Variants in DIAPH2 observed in about 807,000 individuals in gnomAD.
DIAPH2 encodes the protein diaphanous related formin 2, also known as protein diaphanous homolog 2.
In DIAPH2, 35 loss-of-function variants were observed where a neutral mutation model predicts 92.7. The ratio of observed to expected loss-of-function variants is 0.38; its 90% CI spans 0.29 to 0.50. The LOEUF is 0.50. Among genes scored for constraint, DIAPH2 ranks in the 20% least tolerant of loss-of-function variants. DIAPH2 has a pLI of 0.94. For missense variants in DIAPH2, 701 were observed against 819.5 expected (o/e 0.86, Z 1.77); for synonymous variants, 301 against 280.4 (o/e 1.07, Z -0.73).
intron 5 of DIAPH2, among the ~76,000 whole-genome samples, chrX:96,902,497 A>G (rs902412860): frequency 7.2e-5 from 8 of 111,107 alleles, no homozygotes; most frequent in African/African-American, 2.6e-4. Context: ...GGATTGTAGT[A>G]TCTTCTTGTT....
Position 96,958,007 on chromosome X carries a change from T to C in DIAPH2, c.1794T>C (p.Leu598=), listed in dbSNP as rs375480105. 75 of 1,207,898 alleles carry C rather than the reference T, an allele frequency of 6.2e-5. No individual in the cohort carries two copies. The highest frequency in any genetic ancestry group is 8.2e-5 in the Non-Finnish European group (73 of 894,471). ...TACCACCACCACCCCCACCACCACT[T>C]TTATTTGGGGGACCTCCTCCACCAC... The part of the protein sequence containing the change: ...MGIPPPPPPP[L]LFGGPPPPPP... Residue 598 remains leucine, a synonymous_variant, in exon 16 of 27, where the codon CTT becomes CTC. Transcript: ENST00000324765.
At chrX:97,368,310 A>G (rs747828941) in intron 24 of DIAPH2, among the ~76,000 whole-genome samples, 46 of 111,479 alleles carry the variant, frequency 4.1e-4, no homozygotes, top group African/African-American at 1.2e-3. Flanking sequence ...CCTTAATTCA[A>G]TCTTCCCTGA....
At chrX:96,941,177 A>G (rs1036920165) in intron 12 of DIAPH2, among the ~76,000 whole-genome samples, 19 of 112,139 alleles carry the variant, frequency 1.7e-4, no homozygotes, top group African/African-American at 6.1e-4. Context: ...TAGGTTGGCT[A>G]TTTATCAGCA....
chrX:97,404,145 G>A (rs1437989948), intron 25 of DIAPH2, among the ~76,000 whole-genome samples: 1 of 111,695 alleles, frequency 9.0e-6, no homozygotes, highest in East Asian at 2.8e-4. Flanking sequence ...GAGCCACCAC[G>A]CCTGGCCTCA....
intron 26 of DIAPH2, among the ~76,000 whole-genome samples, chrX:97,476,233 A>G (rs2070602184): frequency 8.9e-6 from 1 of 112,117 alleles, no homozygotes; most frequent in Non-Finnish European, 1.9e-5. Context: ...TGGTGTTTTG[A>G]TTTGGTTATA....
At chrX:97,463,089 G>A (rs1245049983) in intron 26 of DIAPH2, among the ~76,000 whole-genome samples, 1 of 110,598 alleles carries the variant, frequency 9.0e-6, no homozygotes, top group African/African-American at 3.3e-5. Context: ...TAGAGCCCTG[G>A]AAATGGGATC....
chrX:97,073,070 G>A, intron 18 of DIAPH2, 28 bp downstream of exon 18: 1 of 1,034,875 alleles, frequency 9.7e-7, no homozygotes. Context: ...CGTAGGATTG[G>A]TATAGGTAAC....
At chrX:97,534,221 C>G (rs966232659) in intron 26 of DIAPH2, among the ~76,000 whole-genome samples, 4 of 111,380 alleles carry the variant, frequency 3.6e-5, no homozygotes, top group African/African-American at 1.3e-4. Context: ...ATCTCTTTAA[C>G]AAATTATCAC....
At chrX:97,106,241 G>A (rs2147369845) in intron 20 of DIAPH2, among the ~76,000 whole-genome samples, 1 of 111,123 alleles carries the variant, frequency 9.0e-6, no homozygotes, top group East Asian at 2.8e-4. Context: ...GTAATGCCCT[G>A]ATTGTTTCTA....
chrX:96,866,075 G>A (rs960360248), intron 4 of DIAPH2, among the ~76,000 whole-genome samples: 21 of 111,465 alleles, frequency 1.9e-4, no homozygotes, highest in African/African-American at 6.8e-4. Flanking sequence ...GTATCATATC[G>A]AGGGAGTCAA....
At chrX:97,336,243 CT>C (rs1186112131) in intron 23 of DIAPH2, among the ~76,000 whole-genome samples, 141 of 91,721 alleles carry the variant, frequency 1.5e-3, no homozygotes, top group African/African-American at 3.5e-3. Flanking sequence ...CTTTTCTTTT[CT>C]TTTTTTTTTT....
chrX:96,732,168 G>T (rs1312268348), intron 1 of DIAPH2, among the ~76,000 whole-genome samples: 1 of 111,251 alleles, frequency 9.0e-6, no homozygotes, highest in Non-Finnish European at 1.9e-5. Context: ...CATTATAAAT[G>T]AAAAAAATTT....
chrX:97,304,546 T>C (rs1318367017), intron 23 of DIAPH2, among the ~76,000 whole-genome samples: 1 of 112,089 alleles, frequency 8.9e-6, no homozygotes, highest in Non-Finnish European at 1.9e-5. Context: ...GCCCTAGTTA[T>C]TTAGTTTCAA....
intron 17 of DIAPH2, among the ~76,000 whole-genome samples, chrX:96,987,009 T>G (rs1418128997): frequency 2.7e-5 from 3 of 111,650 alleles, no homozygotes; most frequent in African/African-American, 9.7e-5. Flanking sequence ...GATAAAATTT[T>G]TTTTACAACC....
chrX:97,202,593 T>A (rs1364240539), intron 22 of DIAPH2, among the ~76,000 whole-genome samples: 1 of 112,427 alleles, frequency 8.9e-6, no homozygotes, highest in Non-Finnish European at 1.9e-5. Flanking sequence ...AGGAGGGTAC[T>A]ACCTAATGGT....
At chrX:97,032,335 T>A (rs1309559575) in intron 17 of DIAPH2, among the ~76,000 whole-genome samples, 3 of 111,261 alleles carry the variant, frequency 2.7e-5, no homozygotes, top group Non-Finnish European at 5.7e-5. Context: ...GCTTTGTACA[T>A]ATTCTATATA....
intron 21 of DIAPH2, among the ~76,000 whole-genome samples, chrX:97,134,430 C>A (rs944414264): frequency 9.0e-6 from 1 of 111,669 alleles, no homozygotes; most frequent in African/African-American, 3.3e-5. Context: ...TAGACAATTG[C>A]CAAGCATCTT....
intron 17 of DIAPH2, among the ~76,000 whole-genome samples, chrX:97,012,932 C>T (rs1569279159): frequency 8.9e-6 from 1 of 111,980 alleles, no homozygotes; most frequent in Non-Finnish European, 1.9e-5. Flanking sequence ...TCTACATCTA[C>T]AGTTTCTTCA....
At chrX:97,088,229 A>C (rs2066797294) in intron 19 of DIAPH2, among the ~76,000 whole-genome samples, 1 of 111,866 alleles carries the variant, frequency 8.9e-6, no homozygotes, top group Admixed American at 9.5e-5. Flanking sequence ...ATGCCTTTGC[A>C]CCTGTCCTTC....
Sources: allele counts gnomAD v4.1 joint callset (sites outside exome capture counted in the v4.1 genomes callset), GRCh38; gene constraint gnomAD v4.1.1; transcripts MANE v1.5; gene names NCBI Gene and HGNC (gene_info 2026-07-23, HGNC 2026-07-21).